The following DLC1 variants were observed in gnomAD, a reference collection of about 807,000 sequenced individuals.
DLC1 encodes DLC1 Rho GTPase activating protein.
A neutral mutation model predicts 140.3 loss-of-function variants in DLC1; 54 were observed. The ratio of observed to expected loss-of-function variants is 0.38; its 90% CI spans 0.31 to 0.48. DLC1 has a LOEUF of 0.48. DLC1 is among the 20% of genes least tolerant of loss of function. The probability of loss-of-function intolerance (pLI) is 0.96; values close to 1 mark genes in which losing one functional copy is unlikely to be tolerated. For missense variants in DLC1, 2,536 were observed against 1,907.0 expected (o/e 1.33, Z -6.14); for synonymous variants, 986 against 728.1 (o/e 1.35, Z -5.70).
intron 1 of DLC1, among the ~76,000 whole-genome samples, chr8:13,536,649 C>A (rs1471728780): frequency 1.3e-5 from 2 of 152,100 alleles, no homozygotes; most frequent in African/African-American, 2.4e-5. Flanking sequence ...AGTTACTTTC[C>A]CCCTGGTCAA....
chr8:13,573,162 C>T (rs1410520172), intron 1 of DLC1, among the ~76,000 whole-genome samples: 3 of 152,054 alleles, frequency 2.0e-5, no homozygotes, highest in Non-Finnish European at 2.9e-5. Flanking sequence ...TGATCTTTAC[C>T]ATGTAAGTTT....
intron 1 of DLC1, among the ~76,000 whole-genome samples, chr8:13,571,437 A>T (rs970712566): frequency 6.6e-6 from 1 of 152,172 alleles, no homozygotes; most frequent in Non-Finnish European, 1.5e-5. Context: ...CTTATTTGAG[A>T]TACTTCATAT....
intron 5 of DLC1, among the ~76,000 whole-genome samples, chr8:13,265,267 CATTT>C (rs1830638745): frequency 6.6e-6 from 1 of 152,088 alleles, no homozygotes; most frequent in African/African-American, 2.4e-5. Flanking sequence ...GCGAAGAAAG[CATTT>C]ACACACAAGG....
At chr8:13,290,541 G>T (rs1231982605) in intron 5 of DLC1, among the ~76,000 whole-genome samples, 1 of 151,964 alleles carries the variant, frequency 6.6e-6, no homozygotes, top group Non-Finnish European at 1.5e-5. Flanking sequence ...TTATGTTCAA[G>T]AAATGCAAAG....
At chr8:13,436,288 G>C (rs1036014020) in intron 2 of DLC1, among the ~76,000 whole-genome samples, 1 of 152,100 alleles carries the variant, frequency 6.6e-6, no homozygotes, top group Non-Finnish European at 1.5e-5. Flanking sequence ...AGATAAATTG[G>C]TAAAAGAGAC....
chr8:13,398,000 G>A (rs1430803846), intron 3 of DLC1, among the ~76,000 whole-genome samples: 1 of 150,462 alleles, frequency 6.6e-6, no homozygotes, highest in African/African-American at 2.5e-5. Context: ...GCATGGTGGT[G>A]CATGCTTTTA....
chr8:13,140,498 G>T (rs1184456043), intron 5 of DLC1, among the ~76,000 whole-genome samples: 1 of 151,274 alleles, frequency 6.6e-6, no homozygotes, highest in Non-Finnish European at 1.5e-5. Flanking sequence ...CTTCCAAAGT[G>T]CTGGGATTAC....
At chr8:13,089,321 A>C (rs1817843041) in intron 15 of DLC1, among the ~76,000 whole-genome samples, 1 of 151,054 alleles carries the variant, frequency 6.6e-6, no homozygotes, top group South Asian at 2.1e-4. Context: ...ATCAGAGTGC[A>C]TGCAATAAAG....
chr8:13,352,588 C>G (rs1834727940), intron 4 of DLC1, among the ~76,000 whole-genome samples: 1 of 151,990 alleles, frequency 6.6e-6, no homozygotes, highest in Non-Finnish European at 1.5e-5. Context: ...CCTATGTTGC[C>G]CAGGCTGGCC....
chr8:13,348,182 G>C (rs1045716841), intron 4 of DLC1, among the ~76,000 whole-genome samples: 2 of 152,184 alleles, frequency 1.3e-5, no homozygotes, highest in African/African-American at 4.8e-5. Flanking sequence ...TGTATATGTG[G>C]AGGGAGAGAA....
chr8:13,295,583 CTT>C, intron 5 of DLC1, among the ~76,000 whole-genome samples: 1 of 152,254 alleles, frequency 6.6e-6, no homozygotes. Flanking sequence ...AAAATTATGT[CTT>C]AATTCTATAA....
At chr8:13,102,765 T>G in intron 8 of DLC1, 25 bp downstream of exon 8, 2 of 1,602,512 alleles carry the variant, frequency 1.2e-6, no homozygotes, top group African/African-American at 1.3e-5. Context: ...TCCCCCTCAT[T>G]CTATTATGCA....
rs1304443274 is a variant in DLC1, at chr8:13,560,138, A to G, written c.-126+44399T>C. Among the ~76,000 whole-genome samples the G allele has an allele frequency of 2.0e-5, 3 of 152,356 alleles. No individual in the cohort carries two copies. In the East Asian group the frequency reaches 5.8e-4, roughly 29 times the overall value. The stretch of plus-strand genomic sequence containing the variant: ...TGCTACTCTTAAATATACTGGGCAT[A>G]TTCATTTTGAATATAGCTGAGTAAT... On this transcript the variant is annotated intron_variant, in intron 1 of 1. Transcript: ENST00000631382.
chr8:13,153,315 C>G (rs533087750), intron 5 of DLC1, among the ~76,000 whole-genome samples: 1 of 152,218 alleles, frequency 6.6e-6, no homozygotes, highest in East Asian at 1.9e-4. Context: ...GTTCTCTCCT[C>G]CCGGCCAGAG....
chr8:13,272,714 G>GA lies in DLC1; in HGVS notation c.1348+32554dup, dbSNP rs57652191. ...GTCTCTACTAAAAATACAAAAAATA[G>GA]AAAAAAAAAATTAGCTGGGCGTGGT... On this transcript the variant is annotated intron_variant, in intron 5 of 17. Coordinates refer to ENST00000276297, the MANE Select transcript of DLC1 (RefSeq NM_182643.3). Among the ~76,000 whole-genome samples the GA allele has an allele frequency of 4.1e-3, 607 of 149,544 alleles. 8 individuals are homozygous for GA. The highest frequency in any genetic ancestry group is 0.013 in the African/African-American group (524 of 40,866).
At chr8:13,106,805 C>T (rs1318415415) in intron 7 of DLC1, among the ~76,000 whole-genome samples, 1 of 152,222 alleles carries the variant, frequency 6.6e-6, no homozygotes, top group African/African-American at 2.4e-5. Flanking sequence ...ACTTGATGTA[C>T]ATACTTCTTT....
chr8:13,111,507 C>G (rs935143564), intron 6 of DLC1, among the ~76,000 whole-genome samples: 1 of 152,146 alleles, frequency 6.6e-6, no homozygotes, highest in Non-Finnish European at 1.5e-5. Context: ...AATGAAGAAG[C>G]TGTATCAGAA....
intron 1 of DLC1, among the ~76,000 whole-genome samples, chr8:13,594,256 A>T (rs1805615583): frequency 6.6e-6 from 1 of 152,102 alleles, no homozygotes; most frequent in African/African-American, 2.4e-5. Context: ...CAAACAGAAA[A>T]CCTCATGACC....
chr8:13,454,566 T>C (rs186942585), intron 2 of DLC1, among the ~76,000 whole-genome samples: 14 of 152,290 alleles, frequency 9.2e-5, no homozygotes, highest in Middle Eastern at 3.4e-3. Context: ...TTTAGTTTTT[T>C]CTCTTCAGAG....
Sources: allele counts gnomAD v4.1 joint callset (sites outside exome capture counted in the v4.1 genomes callset), GRCh38; gene constraint gnomAD v4.1.1; transcripts MANE v1.5; gene names NCBI Gene and HGNC (gene_info 2026-07-23, HGNC 2026-07-21).